The following CHCHD3 variants were observed in gnomAD, a reference collection of about 807,000 sequenced individuals.
The protein encoded by CHCHD3 is coiled-coil-helix-coiled-coil-helix domain containing 3.
A neutral mutation model predicts 38.2 loss-of-function variants in CHCHD3; 20 were observed. The observed-to-expected ratio is 0.52, with a 90% CI of 0.37 to 0.76. CHCHD3 has a LOEUF of 0.76. Among genes scored for constraint, CHCHD3 ranks in the 30% least tolerant of loss-of-function variants. The pLI is 0.00. For missense variants in CHCHD3, 245 were observed against 279.2 expected, an observed-to-expected ratio of 0.88 and a Z score of 0.87; for synonymous variants, 82 against 100.0, an observed-to-expected ratio of 0.82 and a Z score of 1.07.
At chr7:133,020,475 G>C (rs1285230771) in intron 3 of CHCHD3, among the ~76,000 whole-genome samples, 1 of 152,158 alleles carries the variant, frequency 6.6e-6, no homozygotes, top group African/African-American at 2.4e-5. Context: ...CCTAAAAAGG[G>C]CTTCTGCATT....
At chr7:133,009,537 C>CAAA (rs34957591) in intron 3 of CHCHD3, among the ~76,000 whole-genome samples, 2 of 136,042 alleles carry the variant, frequency 1.5e-5, no homozygotes, top group Non-Finnish European at 3.2e-5. Context: ...CAGGTTACGA[C>CAAA]AAAAAAAAAA....
chr7:132,898,651 C>T (rs1324869986), intron 4 of CHCHD3, among the ~76,000 whole-genome samples: 3 of 152,242 alleles, frequency 2.0e-5, no homozygotes, highest in Non-Finnish European at 4.4e-5. Flanking sequence ...CGCTGTGGAG[C>T]AGGGGGTGGC....
intron 6 of CHCHD3, among the ~76,000 whole-genome samples, chr7:132,801,130 A>T (rs550373637): frequency 6.6e-6 from 1 of 152,346 alleles, no homozygotes; most frequent in South Asian, 2.1e-4. Context: ...ATATGTAATC[A>T]TTCACTTTTG....
chr7:132,960,067 C>A (rs1042619345), intron 4 of CHCHD3, among the ~76,000 whole-genome samples: 2 of 152,164 alleles, frequency 1.3e-5, no homozygotes, highest in Admixed American at 6.5e-5. Context: ...TTGTTGCAAT[C>A]AGAATTGACG....
intron 2 of CHCHD3, among the ~76,000 whole-genome samples, chr7:133,039,217 A>G (rs571089191): frequency 1.4e-4 from 21 of 152,212 alleles, no homozygotes; most frequent in Non-Finnish European, 2.8e-4. Flanking sequence ...ATTCTATCTC[A>G]ATAACAAATA....
chr7:132,887,576 T>C (rs894811237), intron 4 of CHCHD3, among the ~76,000 whole-genome samples: 38 of 151,246 alleles, frequency 2.5e-4, no homozygotes, highest in Non-Finnish European at 4.4e-5. Flanking sequence ...TATTAACATA[T>C]AGAGCACTGA....
chr7:132,885,649 A>G lies in CHCHD3; in HGVS notation c.453+13T>C. 1 of 1,581,698 alleles carries G rather than the reference A, an allele frequency of 6.3e-7. No individual in the cohort carries two copies. Among genetic ancestry groups the G allele is most frequent in the South Asian group, 1.2e-5 (1 of 84,940 alleles). On this transcript the variant is annotated intron_variant, in intron 5 of 7. Coordinates refer to ENST00000262570, the MANE Select transcript of CHCHD3 (RefSeq NM_017812.4). ...GATGTGGTAATAGAATCAATGATAA[A>G]AAATAGTCATACCCTCTCCTCCAGT...
intron 4 of CHCHD3, among the ~76,000 whole-genome samples, chr7:132,950,479 C>A (rs1021601457): frequency 1.3e-5 from 2 of 152,016 alleles, no homozygotes; most frequent in Non-Finnish European, 2.9e-5. Context: ...TGGCATATAC[C>A]TTACAAAACA....
At chr7:132,914,230 C>T (rs572519151) in intron 4 of CHCHD3, among the ~76,000 whole-genome samples, 1 of 151,936 alleles carries the variant, frequency 6.6e-6, no homozygotes, top group Non-Finnish European at 1.5e-5. Flanking sequence ...CCTCATGATC[C>T]GCCCACCTTG....
intron 3 of CHCHD3, among the ~76,000 whole-genome samples, chr7:132,980,462 T>C (rs74819542): frequency 0.019 from 2,853 of 152,338 alleles, 103 homozygotes; most frequent in African/African-American, 0.064. Flanking sequence ...TTCATTTAAA[T>C]TTCTTTCTTT....
intron 1 of CHCHD3, among the ~76,000 whole-genome samples, chr7:133,071,695 A>C (rs544438148): frequency 6.6e-6 from 1 of 152,366 alleles, no homozygotes; most frequent in South Asian, 2.1e-4. Flanking sequence ...GGGTGGAAAC[A>C]AACACATGTC....
chr7:133,053,215 G>C (rs1340116458), intron 2 of CHCHD3, among the ~76,000 whole-genome samples: 8 of 152,174 alleles, frequency 5.3e-5, no homozygotes, highest in Admixed American at 4.6e-4. Flanking sequence ...CTGAAGGCCA[G>C]GCTCAGTCAC....
chr7:132,924,342 CAGAATGAAGT>C (rs756741007), intron 4 of CHCHD3, among the ~76,000 whole-genome samples: 6 of 152,124 alleles, frequency 3.9e-5, no homozygotes, highest in Non-Finnish European at 7.4e-5. Context: ...ACATAAATCA[CAGAATGAAGT>C]ACAAAGCAGG....
chr7:132,944,918 G>C (rs866372041), intron 4 of CHCHD3, among the ~76,000 whole-genome samples: 9 of 151,736 alleles, frequency 5.9e-5, no homozygotes, highest in Admixed American at 4.6e-4. Context: ...CTTTGTTCTC[G>C]TTACTTATGA....
At chr7:132,984,212 G>A (rs1050350253) in intron 3 of CHCHD3, among the ~76,000 whole-genome samples, 2 of 151,702 alleles carry the variant, frequency 1.3e-5, no homozygotes, top group East Asian at 2.0e-4. Flanking sequence ...GCAGGCGCAC[G>A]GCGCCACGCC....
intron 2 of CHCHD3, among the ~76,000 whole-genome samples, chr7:133,067,693 A>G (rs1814711534): frequency 6.6e-6 from 1 of 152,252 alleles, no homozygotes; most frequent in Admixed American, 6.5e-5. Flanking sequence ...TTAAGCCAAA[A>G]TATTTGATAA....
intron 2 of CHCHD3, among the ~76,000 whole-genome samples, chr7:133,060,950 C>A (rs1032408823): frequency 2.0e-5 from 3 of 152,132 alleles, no homozygotes; most frequent in Non-Finnish European, 2.9e-5. Flanking sequence ...TGAGGATATA[C>A]AAGAACTACA....
intron 4 of CHCHD3, among the ~76,000 whole-genome samples, chr7:132,971,827 A>G (rs1324677943): frequency 6.6e-6 from 1 of 152,244 alleles, no homozygotes; most frequent in Non-Finnish European, 1.5e-5. Context: ...CATTACTCAA[A>G]GAGTCCCACA....
chr7:132,905,252 C>T (rs1213290520), intron 4 of CHCHD3, among the ~76,000 whole-genome samples: 1 of 151,866 alleles, frequency 6.6e-6, no homozygotes, highest in East Asian at 1.9e-4. Context: ...TATAATAATA[C>T]TAATTTAAAA....
Sources: allele counts gnomAD v4.1 joint callset (sites outside exome capture counted in the v4.1 genomes callset), GRCh38; gene constraint gnomAD v4.1.1; transcripts MANE v1.5; gene names NCBI Gene and HGNC (gene_info 2026-07-23, HGNC 2026-07-21).